The following RNF19B variants were observed in gnomAD, a reference collection of about 807,000 sequenced individuals.
The protein encoded by RNF19B is ring finger protein 19B.
A neutral mutation model predicts 65.5 loss-of-function variants in RNF19B; 23 were observed. The ratio of observed to expected loss-of-function variants is 0.35; its 90% CI spans 0.25 to 0.50. RNF19B has a LOEUF of 0.50. Among genes scored for constraint, RNF19B ranks in the 20% least tolerant of loss-of-function variants. The probability of loss-of-function intolerance (pLI) is 0.98; values close to 1 mark genes in which losing one functional copy is unlikely to be tolerated. For missense variants in RNF19B, 794 were observed against 980.0 expected, an observed-to-expected ratio of 0.81 and a Z score of 2.53; for synonymous variants, 372 against 379.6, an observed-to-expected ratio of 0.98 and a Z score of 0.23.
Position 32,952,429 on chromosome 1 carries a change from TAAAAAAAAAAAAAA to T in RNF19B, c.636-2669_636-2656del, listed in dbSNP as rs375150376. ...GGCAACACAGCAAGACCTTTTCTCT[TAAAAAAAAAAAAAA>T]AAAAAAAAAAAAAAAACAGCCTGGC... On this transcript the variant is annotated intron_variant, in intron 1 of 8. Coordinates refer to ENST00000235150, the MANE Select transcript of RNF19B (RefSeq NM_001300826.2). Among the ~76,000 whole-genome samples the T allele has an allele frequency of 1.2e-3, 86 of 74,018 alleles. 1 individual carries two copies. Among genetic ancestry groups the T allele is most frequent in the African/African-American group, 5.2e-3 (73 of 14,102 alleles). 48.6% of individuals were successfully genotyped at this position (74,018 alleles called of 152,430 possible).
chr1:32,950,113 G>A (rs1329313352), intron 1 of RNF19B, among the ~76,000 whole-genome samples: 1 of 152,102 alleles, frequency 6.6e-6, no homozygotes, highest in Non-Finnish European at 1.5e-5. Flanking sequence ...GGGATTACAG[G>A]TGCAAGCCAC....
downstream of RNF19B, among the ~76,000 whole-genome samples, chr1:32,932,581 A>G (rs543583141): frequency 7.9e-5 from 12 of 152,232 alleles, no homozygotes; most frequent in Non-Finnish European, 1.3e-4. Context: ...TTCATTTACC[A>G]TATCCACAAG....
intron 1 of RNF19B, among the ~76,000 whole-genome samples, chr1:32,956,381 TAAC>T (rs527822684): frequency 1.3e-4 from 19 of 151,712 alleles, no homozygotes; most frequent in African/African-American, 2.7e-4. Flanking sequence ...TCTCTTCAAA[TAAC>T]AACAACAACA....
chr1:32,964,316 C>T lies in RNF19B; in HGVS notation c.370G>A (p.Val124Met), dbSNP rs1412411297. 1.5e-5 allele frequency: 22 copies of T among 1,509,592 alleles called. No homozygotes were observed. Among genetic ancestry groups the T allele is most frequent in the Middle Eastern group, 1.8e-4 (1 of 5,426 alleles). 93.5% of individuals were successfully genotyped at this position (1,509,592 alleles called of 1,614,324 possible). The change falls in exon 1 of 9, where the codon GTG becomes ATG. Residue 124 changes from valine to methionine, a missense_variant. Coordinates refer to ENST00000235150, the MANE Select transcript of RNF19B (RefSeq NM_001300826.2). The surrounding 1 kb of genome is among the most constrained non-coding windows in gnomAD (Gnocchi z 6.5). The stretch of plus-strand genomic sequence containing the variant: ...GGGGCCCGCTCAGGCGGCAGCCGCA[C>T]CAGGCACAGCGGACACTCCACCTCC... ...AEEVECPLCL[V>M]RLPPERAPRL...
intron 1 of RNF19B, 95 bp from the exon 2 acceptor site, chr1:32,949,869 C>T: frequency 2.3e-6 from 2 of 858,396 alleles, no homozygotes; most frequent in Admixed American, 2.0e-5. Flanking sequence ...TGGCACTACC[C>T]CACTATCACA....
downstream of RNF19B, among the ~76,000 whole-genome samples, chr1:32,933,116 G>A (rs1189387064): frequency 1.3e-5 from 2 of 152,326 alleles, no homozygotes; most frequent in African/African-American, 2.4e-5. Context: ...CCCGTTAAGA[G>A]TCTAAGTTCC....
chr1:32,960,822 C>A (rs184724049), intron 1 of RNF19B, among the ~76,000 whole-genome samples: 8 of 151,904 alleles, frequency 5.3e-5, no homozygotes, highest in Admixed American at 3.3e-4. Flanking sequence ...CACAGGGAGA[C>A]CCTATCTCTA....
chr1:32,947,658 TAA>T (rs375806177), intron 3 of RNF19B, among the ~76,000 whole-genome samples: 289 of 125,568 alleles, frequency 2.3e-3, no homozygotes, highest in African/African-American at 6.5e-3. Context: ...AACTCTGTCT[TAA>T]AAAAAAAAAA....
At chr1:32,945,661 G>T in intron 4 of RNF19B, 33 bp from the exon 5 acceptor site, 2 of 1,280,096 alleles carry the variant, frequency 1.6e-6, no homozygotes, top group Non-Finnish European at 2.3e-6. Flanking sequence ...CAGGTCAGCA[G>T]GTTAGGACAT....
intron 1 of RNF19B, among the ~76,000 whole-genome samples, chr1:32,960,876 G>C (rs138053586): frequency 6.6e-6 from 1 of 151,936 alleles, no homozygotes; most frequent in South Asian, 2.1e-4. Context: ...AGCTGGGCTT[G>C]GTGGCATGCA....
intron 5 of RNF19B, among the ~76,000 whole-genome samples, chr1:32,944,948 A>C (rs1393800906): frequency 6.6e-6 from 1 of 152,090 alleles, no homozygotes; most frequent in Non-Finnish European, 1.5e-5. Context: ...TCGGCCTCCC[A>C]AAACACTGGA....
chr1:32,939,228 C>A (rs1168346424), intron 7 of RNF19B, among the ~76,000 whole-genome samples: 2 of 152,254 alleles, frequency 1.3e-5, no homozygotes, highest in East Asian at 3.9e-4. Flanking sequence ...CACTCTGTCA[C>A]CCAGGCTGGA....
chr1:32,950,968 T>C (rs1183079803), intron 1 of RNF19B, among the ~76,000 whole-genome samples: 2 of 152,088 alleles, frequency 1.3e-5, no homozygotes, highest in Non-Finnish European at 2.9e-5. Context: ...GCCTCCTTAG[T>C]AGCTGGGACT....
chr1:32,943,009 C>T (rs968654005), intron 6 of RNF19B, among the ~76,000 whole-genome samples: 19 of 151,564 alleles, frequency 1.3e-4, no homozygotes, highest in African/African-American at 3.2e-4. Flanking sequence ...GGCGTGGTGG[C>T]GGGTGCCTGT....
chr1:32,949,692 G>A lies in RNF19B; in HGVS notation c.718C>T (p.His240Tyr). ...TTTGGATGCCATATCTGCTTGCAGT[G>A]GTAGCAGAACTCAGTCTGGCAACCT... ...REGCQTEFCY[H>Y]CKQIWHPNQT... Residue 240 changes from histidine (H) to tyrosine (Y), a missense_variant, in exon 2 of 9, where the codon CAC becomes TAC. By Grantham distance (83) the His-to-Tyr change is moderately conservative. Coordinates refer to ENST00000235150, the MANE Select transcript of RNF19B (RefSeq NM_001300826.2). 6.2e-7 allele frequency: 1 copy of A among 1,613,826 alleles called. No individual in the cohort carries two copies. Among genetic ancestry groups the A allele is most frequent in the Non-Finnish European group, 8.5e-7 (1 of 1,179,994 alleles).
At chr1:32,961,044 C>G (rs930240266) in intron 1 of RNF19B, among the ~76,000 whole-genome samples, 3 of 152,096 alleles carry the variant, frequency 2.0e-5, no homozygotes, top group African/African-American at 4.8e-5. Flanking sequence ...AGCCACTAGG[C>G]ACATCCCAAG....
chr1:32,932,503 G>A (rs996096312), downstream of RNF19B, among the ~76,000 whole-genome samples: 1 of 152,188 alleles, frequency 6.6e-6, no homozygotes, highest in Non-Finnish European at 1.5e-5. Context: ...GGAAATCTAA[G>A]ACATGAAGTT....
Position 32,964,641 on chromosome 1 carries a change from T to C in RNF19B, c.45A>G (p.Leu15=), listed in dbSNP as rs575506164. The part of the protein sequence containing the change: ...KDSESPRSTS[L]HAAAPDPKCR... ...ACTTAGGGTCGGGTGCGGCCGCATG[T>C]AGCGATGTGGAGCGCGGCGACTCGG... The change falls in exon 1 of 9, where the codon CTA becomes CTG. Residue 15 remains leucine, a synonymous_variant. Transcript: ENST00000235150. The surrounding 1 kb of genome is among the most constrained non-coding windows in gnomAD (Gnocchi z 6.5). The C allele has an allele frequency of 6.7e-4, 988 of 1,474,922 alleles. 8 individuals are homozygous for C. The African/African-American group carries it at 0.013, about 19-fold the overall frequency. The allele number at this position is 1,474,922 out of a possible 1,614,324, so 91.4% of individuals were successfully genotyped here. A position where few individuals can be genotyped will look rare whatever the true frequency, so the allele number is the denominator to read the frequency against.
At position 32,942,332 on chromosome 1, in the gene RNF19B, G is replaced by A. The variant is rs201157333; in HGVS notation, c.1530C>T (p.Ser510=). 14 of 1,614,108 alleles carry A rather than the reference G, an allele frequency of 8.7e-6. No individual in the cohort carries two copies. In the East Asian group the frequency reaches 1.8e-4, roughly 21 times the overall value. ...AGAGGGCTGCAAAGCTGGCCGTTTC[G>A]CTGTAAGGACCTTGCATAACACTAA... is the stretch of plus-strand genomic sequence containing the variant. The part of the protein sequence containing the change: ...DGLSVMQGPY[S]ETASFAALSG... Residue 510 remains serine (S), a synonymous_variant, in exon 7 of 9, where the codon AGC becomes AGT. Coordinates refer to ENST00000235150, the MANE Select transcript of RNF19B (RefSeq NM_001300826.2).
Sources: allele counts gnomAD v4.1 joint callset (sites outside exome capture counted in the v4.1 genomes callset), GRCh38; gene constraint gnomAD v4.1.1; non-coding constraint Gnocchi (gnomAD v3.1); transcripts MANE v1.5; gene names NCBI Gene and HGNC (gene_info 2026-07-23, HGNC 2026-07-21).